SLF2: variants seen among roughly 807,000 people sequenced by gnomAD.
SLF2 encodes SMC5-SMC6 complex localization factor protein 2.
In SLF2, 68 loss-of-function variants were observed where a neutral mutation model predicts 124.3. The observed-to-expected ratio is 0.55, with a 90% CI of 0.45 to 0.67. The LOEUF (loss-of-function observed/expected upper bound fraction) is 0.67, where lower values mean the gene tolerates loss of function less well. SLF2 is among the 30% of genes least tolerant of loss of function. The pLI, the probability that SLF2 is intolerant of heterozygous loss-of-function variation, is 0.00. For missense variants in SLF2, 1,246 were observed against 1,373.7 expected, an observed-to-expected ratio of 0.91 and a Z score of 1.47; for synonymous variants, 480 against 478.8, an observed-to-expected ratio of 1.00 and a Z score of -0.03.
In SLF2 at chr10:100,947,153, A is replaced by G; in HGVS notation, c.3032+17A>G. On this transcript the variant is annotated intron_variant, in intron 14 of 19. Transcript: ENST00000238961. ...ACGTGGAAGGTATTAAAAAGTGAAA[A>G]TTAAACATTAAGAAATTTTATAATT... 1 of 1,429,676 alleles carries G rather than the reference A, an allele frequency of 7.0e-7. No individual in the cohort carries two copies. Among genetic ancestry groups the G allele is most frequent in the Non-Finnish European group, 9.4e-7 (1 of 1,059,818 alleles). 88.6% of individuals were successfully genotyped at this position (1,429,676 alleles called of 1,614,324 possible).
At position 100,924,453 on chromosome 10, in the gene SLF2, C is replaced by T. The variant is rs186066799; in HGVS notation, c.1452C>T (p.Ser484=). The T allele has an allele frequency of 6.2e-7, 1 of 1,614,156 alleles. No homozygotes were observed. The highest frequency in any genetic ancestry group is 2.2e-5 in the East Asian group (1 of 44,890). ...PLLSRVPSAG[S]SLVPLNAKNC... is the part of the protein sequence containing the mutation. ...TTTCCCGTGTTCCAAGTGCTGGTTC[C>T]TCTCTAGTACCATTAAATGCTAAAA... is the stretch of plus-strand genomic sequence containing the variant. Residue 484 remains serine, a synonymous_variant, in exon 5 of 20, where the codon TCC becomes TCT. Coordinates refer to ENST00000238961, the MANE Select transcript of SLF2 (RefSeq NM_018121.4).
In SLF2 at chr10:100,929,932, G is replaced by A. The variant is rs1296790268; in HGVS notation, c.2268G>A (p.Gln756=). 6.3e-7 allele frequency: 1 copy of A among 1,591,524 alleles called. No individual in the cohort carries two copies. Among genetic ancestry groups the A allele is most frequent in the South Asian group, 1.2e-5 (1 of 86,220 alleles). Residue 756 remains glutamine, a synonymous_variant, in exon 8 of 20, where the codon CAG becomes CAA. Transcript: ENST00000238961. ...TCAATTCTGGAAAAATTTTCAATCA[G>A]TATACCTTGGATTTAAGAGACTCTG... ...NFLNSGKIFN[Q]YTLDLRDSGF... is the part of the protein sequence containing the mutation.
intron 12 of SLF2, 90 bp from the exon 13 acceptor site, chr10:100,945,240 C>T: frequency 2.8e-6 from 3 of 1,076,938 alleles, no homozygotes; most frequent in Non-Finnish European, 2.6e-6. Context: ...TTCTTTTTTG[C>T]ATCTTTTGTC....
intron 11 of SLF2, among the ~76,000 whole-genome samples, chr10:100,940,268 G>T (rs772851097): frequency 6.6e-6 from 1 of 152,146 alleles, no homozygotes; most frequent in Non-Finnish European, 1.5e-5. Flanking sequence ...AGTAAAGATG[G>T]GCACAAGCTT....
In SLF2 at chr10:100,955,036, T is replaced by A. The variant is rs1255681510; in HGVS notation, c.3331-1415T>A. Among the ~76,000 whole-genome samples, 17 of 148,970 alleles carry A rather than the reference T, an allele frequency of 1.1e-4. No individual in the cohort carries two copies. The South Asian group carries it at 3.7e-3, about 33-fold the overall frequency. On this transcript the variant is annotated intron_variant, in intron 17 of 19. Coordinates refer to ENST00000238961, the MANE Select transcript of SLF2 (RefSeq NM_018121.4). ...CTCACTGAAAGCTCTGCCTCCCGGG[T>A]ACACGCCATTCTCCTGCCCCAGCCT...
rs753643824 is a variant in SLF2, at chr10:100,913,240, C to T, written c.130C>T (p.Pro44Ser). Residue 44 changes from proline (P) to serine (S), a missense_variant, in exon 1 of 20, where the codon CCT becomes TCT. By Grantham distance (74) the Pro-to-Ser change is moderately conservative. This residue lies in a region of SLF2 where 698 missense variants were observed against 708.9 expected (regional missense o/e 0.98). Transcript: ENST00000238961. ...TGCAGCGGGAAAGAGAACAGAGAGT[C>T]CTGGGGACAGGTACCGTGCAGAGGG... Reference protein sequence around the residue: ...HAAAGKRTESPGDRKQSIIDF... With the variant: ...HAAAGKRTESSGDRKQSIIDF... 2 of 1,608,212 alleles carry T rather than the reference C, an allele frequency of 1.2e-6. No homozygotes were observed. The highest frequency in any genetic ancestry group is 1.7e-6 in the Non-Finnish European group (2 of 1,177,474).
Position 100,964,576 on chromosome 10 carries a change from C to T in SLF2, c.*2664C>T, listed in dbSNP as rs1297813730. ...CTTTTGGAAGGTTTGCATTTTGTTT[C>T]TGCTTTCAAGCGCAAATAGTAGCTT... On this transcript the variant is annotated 3_prime_UTR_variant, in exon 20 of 20. Coordinates refer to ENST00000238961, the MANE Select transcript of SLF2 (RefSeq NM_018121.4). The T allele has an allele frequency of 1.3e-5, 2 of 152,618 alleles. No homozygotes were observed. The highest frequency in any genetic ancestry group is 2.4e-5 in the African/African-American group (1 of 41,440). 9.5% of individuals were successfully genotyped at this position (152,618 alleles called of 1,614,324 possible).
In SLF2 at chr10:100,916,833, T is replaced by G. The variant is rs1359115798; in HGVS notation, c.448T>G (p.Tyr150Asp). Reference sequence around the variant, plus strand: ...ATATTTAGCCAAAGGAACAAATATCTATGTTCCTTCTTCATATCACTTGCC... The same window carrying G: ...ATATTTAGCCAAAGGAACAAATATCGATGTTCCTTCTTCATATCACTTGCC... Reference protein sequence around the residue: ...SKYLAKGTNIYVPSSYHLPKE... With the variant: ...SKYLAKGTNIDVPSSYHLPKE... The change falls in exon 3 of 20, where the codon TAT becomes GAT. Residue 150 changes from tyrosine to aspartate, a missense_variant. By Grantham distance (160) the Tyr-to-Asp change is radical (BLOSUM62 -3). Transcript: ENST00000238961. The G allele has an allele frequency of 6.2e-7, 1 of 1,614,040 alleles. No individual in the cohort carries two copies. Among genetic ancestry groups the G allele is most frequent in the African/African-American group, 1.3e-5 (1 of 74,910 alleles).
rs59983480 is a variant in SLF2, at chr10:100,960,998, C to CTTTTTTTTT, written c.3487-858_3487-850dup. 1.9e-3 allele frequency among the ~76,000 whole-genome samples: 115 copies of CTTTTTTTTT among 61,404 alleles called. 23 individuals carry two copies. The highest frequency in any genetic ancestry group is 2.4e-3 in the Non-Finnish European group (85 of 35,358). 40.3% of individuals were successfully genotyped at this position (61,404 alleles called of 152,430 possible). ...GTGAGAACTGAGATATTCTGTACTT[C>CTTTTTTTTT]TTTTTTTTTTTTTTTTTTTTTTTTT... On this transcript the variant is annotated intron_variant, in intron 19 of 19. Coordinates refer to ENST00000238961, the MANE Select transcript of SLF2 (RefSeq NM_018121.4).
rs1850388429 is a variant in SLF2, at chr10:100,959,426, A to C, written c.3418-2A>C. ...CCTTTTCCTGTTTTTGATATTTTTA[A>C]GGTGAAAGACTTGGTCGCCAGGATA... On this transcript the variant is annotated splice_acceptor_variant, in intron 18 of 19. Transcript: ENST00000238961. LOFTEE classifies it high-confidence loss of function. 6.2e-7 allele frequency: 1 copy of C among 1,603,882 alleles called. No homozygotes were observed. The highest frequency in any genetic ancestry group is 8.5e-7 in the Non-Finnish European group (1 of 1,176,936).
Position 100,956,456 on chromosome 10 carries a change from CTT to C in SLF2, c.3338_3339del (p.Phe1113CysfsTer12). 1 of 1,600,608 alleles carries C rather than the reference CTT, an allele frequency of 6.2e-7. No individual in the cohort carries two copies. Among genetic ancestry groups the C allele is most frequent in the Non-Finnish European group, 8.5e-7 (1 of 1,176,122 alleles). ...HSFSSGQRKHFVLLCGALEKH... is the reference protein window; with the variant it reads ...HSFSSGQRKHXVLLCGALEKH... ...CTTGCATTTGTTTTGCACAGAAACA[CTT>C]TGTGCTACTCTGTGGGGCTTTGGAA... On this transcript the variant is annotated frameshift_variant, in exon 18 of 20. Coordinates refer to ENST00000238961, the MANE Select transcript of SLF2 (RefSeq NM_018121.4). LOFTEE classifies it high-confidence loss of function.
intron 15 of SLF2, among the ~76,000 whole-genome samples, chr10:100,949,314 T>C (rs1057308859): frequency 6.6e-6 from 1 of 152,238 alleles, no homozygotes; most frequent in Admixed American, 6.5e-5. Context: ...TGTTACTTTT[T>C]CCTTTTTTGC....
Position 100,932,720 on chromosome 10 carries a change from T to TGTGTGTGTGTGTGC in SLF2, c.2436+1643_2436+1644insTGTGTGTGTGTGCG, listed in dbSNP as rs763852210. On this transcript the variant is annotated intron_variant, in intron 9 of 19. Transcript: ENST00000238961. ...GTGTGTGTGTGTGTGTGTGTGTGTG[T>TGTGTGTGTGTGTGC]GCGCGCGCGCGCGCGCGCACATTTG... 1.9e-4 allele frequency among the ~76,000 whole-genome samples: 7 copies of TGTGTGTGTGTGTGC among 36,226 alleles called. 1 individual carries two copies. The highest frequency in any genetic ancestry group is 2.3e-3 in the South Asian group (2 of 876). 23.8% of individuals were successfully genotyped at this position (36,226 alleles called of 152,430 possible).
intron 1 of SLF2, 165 bp downstream of exon 1, chr10:100,913,415 G>C: frequency 7.4e-7 from 1 of 1,346,860 alleles, no homozygotes; most frequent in Non-Finnish European, 9.5e-7. Context: ...GGGGCTACTG[G>C]GAGTTGGAGT....
rs1348154360 is a variant in SLF2, at chr10:100,916,827, A to G, written c.442A>G (p.Asn148Asp). The G allele has an allele frequency of 6.2e-7, 1 of 1,614,178 alleles. No homozygotes were observed. Among genetic ancestry groups the G allele is most frequent in the South Asian group, 1.1e-5 (1 of 91,080 alleles). ...LASKYLAKGT[N>D]IYVPSSYHLP... is the part of the protein sequence containing the mutation. The stretch of plus-strand genomic sequence containing the variant: ...CTCCAAATATTTAGCCAAAGGAACA[A>G]ATATCTATGTTCCTTCTTCATATCA... Residue 148 changes from asparagine (N) to aspartate (D), a missense_variant, in exon 3 of 20, where the codon AAT (asparagine) becomes GAT (aspartate). Around this residue, in one of 3 missense-constraint regions of SLF2, gnomAD observed 698 missense variants for 708.9 expected, o/e 0.98. Coordinates refer to ENST00000238961, the MANE Select transcript of SLF2 (RefSeq NM_018121.4).
intron 6 of SLF2, 43 bp downstream of exon 6, chr10:100,926,062 CTTGT>C (rs1463361096): frequency 6.8e-6 from 11 of 1,613,710 alleles, no homozygotes; most frequent in Non-Finnish European, 9.3e-6. Flanking sequence ...TAACATTTTG[CTTGT>C]TTGTGTGGCT....
chr10:100,932,718 TGTGCGCGC>T (rs1220293360), intron 9 of SLF2, among the ~76,000 whole-genome samples: 9 of 21,190 alleles, frequency 4.2e-4, no homozygotes, highest in South Asian at 2.1e-3. Flanking sequence ...TGTGTGTGTG[TGTGCGCGC>T]GCGCGCGCGC....
At chr10:100,926,068 T>G in intron 6 of SLF2, 49 bp downstream of exon 6, 1 of 1,614,196 alleles carries the variant, frequency 6.2e-7, no homozygotes, top group African/African-American at 1.3e-5. Context: ...TTTGCTTGTT[T>G]GTGTGGCTTA....
chr10:100,960,762 T>C (rs1850411701), intron 19 of SLF2, among the ~76,000 whole-genome samples: 1 of 152,022 alleles, frequency 6.6e-6, no homozygotes, highest in Non-Finnish European at 1.5e-5. Flanking sequence ...TTATTATGTA[T>C]ATATTTTTGA....
Sources: gnomAD v4.1 joint callset for allele counts (sites outside exome capture counted in the v4.1 genomes callset) on GRCh38, gnomAD v4.1.1 for gene constraint, gnomAD v4.1.1 regional missense constraint, MANE v1.5 for transcripts, NCBI Gene and HGNC (gene_info 2026-07-23, HGNC 2026-07-21) for gene names.